NLN: variants seen among roughly 807,000 people sequenced by gnomAD.
The protein encoded by NLN is neurolysin, mitochondrial.
A neutral mutation model predicts 79.9 loss-of-function variants in NLN; 64 were observed. The ratio of observed to expected loss-of-function variants is 0.80; its 90% CI spans 0.65 to 0.99. The LOEUF is 0.99. Among genes scored for constraint, NLN ranks in the 50% least tolerant of loss-of-function variants. NLN has a pLI of 0.00. For synonymous variants in NLN, 267 were observed against 296.6 expected (o/e 0.90, Z 1.02); for missense variants, 835 against 858.7 (o/e 0.97, Z 0.34).
Position 65,826,533 on chromosome 5 carries a change from G to A in NLN, c.*3618G>A, listed in dbSNP as rs574700394. ...TCTTCCCTCAAATCAACACATTACA[G>A]TTAGATGTCTCCCATCTGAAATTGG... On this transcript the variant is annotated 3_prime_UTR_variant, in exon 13 of 13. Coordinates refer to ENST00000380985, the MANE Select transcript of NLN (RefSeq NM_020726.5). The A allele has an allele frequency of 6.6e-6, 1 of 152,202 alleles. No individual in the cohort carries two copies. Among genetic ancestry groups the A allele is most frequent in the East Asian group, 1.9e-4 (1 of 5,200 alleles). The allele number at this position is 152,202 out of a possible 1,614,324, so 9.4% of individuals were successfully genotyped here. A position where few individuals can be genotyped will look rare whatever the true frequency, so the allele number is the denominator to read the frequency against.
intron 3 of NLN, among the ~76,000 whole-genome samples, chr5:65,766,176 C>T (rs1579933778): frequency 6.6e-6 from 1 of 152,266 alleles, no homozygotes; most frequent in Non-Finnish European, 1.5e-5. Context: ...ACTAATCAGG[C>T]ATCTGTCTTT....
chr5:65,733,669 A>G lies in NLN; in HGVS notation c.41+11255A>G, dbSNP rs1304348304. 1.2e-4 allele frequency: 170 copies of G among 1,458,782 alleles called. 25 individuals carry two copies. Among genetic ancestry groups the G allele is most frequent in the Admixed American group, 3.8e-4 (22 of 57,528 alleles). The allele number at this position is 1,458,782 out of a possible 1,614,324, so 90.4% of individuals were successfully genotyped here. A position where few individuals can be genotyped will look rare whatever the true frequency, so the allele number is the denominator to read the frequency against. ...CTTTGCTCTTAGGGAAGGCCTGATT[A>G]GTGGGATGGATACGCTTTCTTCTGG... On this transcript the variant is annotated intron_variant, in intron 1 of 12. Coordinates refer to ENST00000380985, the MANE Select transcript of NLN (RefSeq NM_020726.5).
At chr5:65,761,059 T>G (rs1579929820) in intron 2 of NLN, among the ~76,000 whole-genome samples, 1 of 152,144 alleles carries the variant, frequency 6.6e-6, no homozygotes, top group Non-Finnish European at 1.5e-5. Flanking sequence ...GAAACCTTGT[T>G]TGTCTAGTGT....
At chr5:65,770,873 A>G (rs1172157744) in intron 3 of NLN, among the ~76,000 whole-genome samples, 1 of 152,232 alleles carries the variant, frequency 6.6e-6, no homozygotes, top group African/African-American at 2.4e-5. Context: ...GAAGGAAAGA[A>G]ACTGCAGAAT....
chr5:65,806,245 A>T (rs906298644), intron 9 of NLN, among the ~76,000 whole-genome samples: 2 of 152,208 alleles, frequency 1.3e-5, no homozygotes, highest in Admixed American at 6.5e-5. Context: ...TCAACTTTCA[A>T]GTCTTATTAT....
In NLN at chr5:65,766,375, A is replaced by T. The variant is rs1247183992; in HGVS notation, c.450+3267A>T. Among the ~76,000 whole-genome samples the T allele has an allele frequency of 2.0e-5, 3 of 152,190 alleles. No homozygotes were observed. The East Asian group carries it at 5.8e-4, about 29-fold the overall frequency. On this transcript the variant is annotated intron_variant, in intron 3 of 12. Transcript: ENST00000380985. ...AAGGCATGTCTTACATGATGTCAGG[A>T]GAGAGAGCACAGGGGAAGCACCAGA...
chr5:65,735,891 T>C (rs2150735269), intron 1 of NLN, among the ~76,000 whole-genome samples: 1 of 152,344 alleles, frequency 6.6e-6, no homozygotes, highest in East Asian at 1.9e-4. Flanking sequence ...AACATTCTTT[T>C]CTTTCTCTCC....
At chr5:65,818,823 C>T (rs1296376002) in intron 12 of NLN, 1 of 152,172 alleles carries the variant, frequency 6.6e-6, no homozygotes, top group Non-Finnish European at 1.5e-5. Flanking sequence ...CTCTGGCTGC[C>T]CTCCCCAGAG....
At chr5:65,736,015 A>G (rs772750278) in intron 1 of NLN, among the ~76,000 whole-genome samples, 3 of 152,242 alleles carry the variant, frequency 2.0e-5, no homozygotes, top group African/African-American at 2.4e-5. Context: ...AAAATGTGTC[A>G]ATATATAAAA....
intron 9 of NLN, among the ~76,000 whole-genome samples, chr5:65,806,527 A>G (rs1760416234): frequency 6.6e-6 from 1 of 152,224 alleles, no homozygotes; most frequent in Admixed American, 6.5e-5. Flanking sequence ...CAGGACAACT[A>G]AAATTAGAAG....
chr5:65,781,223 G>C, intron 5 of NLN, 38 bp from the exon 6 acceptor site: 1 of 1,472,948 alleles, frequency 6.8e-7, no homozygotes, highest in Non-Finnish European at 9.4e-7. Context: ...CCAGCAATGA[G>C]TGGAAAATTT....
chr5:65,798,354 A>G (rs1420422650), intron 9 of NLN, among the ~76,000 whole-genome samples: 2 of 152,296 alleles, frequency 1.3e-5, no homozygotes, highest in African/African-American at 4.8e-5. Flanking sequence ...CTCCCATTCC[A>G]TGCACTGGAG....
intron 12 of NLN, among the ~76,000 whole-genome samples, chr5:65,814,220 G>A (rs1037941140): frequency 2.0e-5 from 3 of 151,914 alleles, no homozygotes; most frequent in African/African-American, 7.3e-5. Context: ...CCCTTCCTCC[G>A]TAGTTACCAC....
At chr5:65,815,786 A>G (rs1760656954) in intron 12 of NLN, among the ~76,000 whole-genome samples, 1 of 152,162 alleles carries the variant, frequency 6.6e-6, no homozygotes, top group African/African-American at 2.4e-5. Flanking sequence ...TTCTTCAAAA[A>G]AAAACCCACA....
chr5:65,763,634 T>C (rs1468281800), intron 3 of NLN, among the ~76,000 whole-genome samples: 1 of 152,196 alleles, frequency 6.6e-6, no homozygotes, highest in East Asian at 1.9e-4. Flanking sequence ...CAGCTTTCAA[T>C]TTTTATTTTC....
At chr5:65,765,702 A>G (rs931440977) in intron 3 of NLN, among the ~76,000 whole-genome samples, 2 of 151,076 alleles carry the variant, frequency 1.3e-5, no homozygotes, top group Non-Finnish European at 3.0e-5. Flanking sequence ...GAGTGAGACC[A>G]TGTCTCAGAA....
At chr5:65,795,335 C>T (rs1021523349) in intron 9 of NLN, among the ~76,000 whole-genome samples, 7 of 152,148 alleles carry the variant, frequency 4.6e-5, no homozygotes, top group African/African-American at 1.2e-4. Context: ...TTGCAGTGAG[C>T]TGAGAGTGTG....
At chr5:65,737,503 T>C (rs1465033744) in intron 1 of NLN, among the ~76,000 whole-genome samples, 1 of 152,224 alleles carries the variant, frequency 6.6e-6, no homozygotes, top group Non-Finnish European at 1.5e-5. Flanking sequence ...CCTCCACTAC[T>C]TAACATGGTC....
intron 2 of NLN, among the ~76,000 whole-genome samples, chr5:65,762,732 C>T (rs776072598): frequency 6.6e-6 from 1 of 151,886 alleles, no homozygotes; most frequent in East Asian, 1.9e-4. Flanking sequence ...CCCCAGTATA[C>T]TTTGATAAGT....
Sources: allele counts gnomAD v4.1 joint callset (sites outside exome capture counted in the v4.1 genomes callset), GRCh38; gene constraint gnomAD v4.1.1; transcripts MANE v1.5; gene names NCBI Gene and HGNC (gene_info 2026-07-23, HGNC 2026-07-21).